Variants in NBAS observed in about 807,000 individuals in gnomAD.
NBAS encodes NAG/BC035112 fusion.
A neutral mutation model predicts 302.5 loss-of-function variants in NBAS; 219 were observed. The observed-to-expected ratio is 0.72, with a 90% CI of 0.65 to 0.81. The LOEUF (loss-of-function observed/expected upper bound fraction) is 0.81, where lower values mean the gene tolerates loss of function less well. Ranked by LOEUF, NBAS falls within the 30% of genes least tolerant of loss-of-function variation. NBAS has a pLI of 0.00. For missense variants in NBAS, 2,932 were observed against 2,841.6 expected (o/e 1.03, Z -0.72); for synonymous variants, 1,118 against 1,021.6 (o/e 1.09, Z -1.80).
the NBAS span, among the ~76,000 whole-genome samples, chr2:14,828,656 G>A: frequency 3.3e-5 from 5 of 152,200 alleles, no homozygotes; most frequent in Non-Finnish European, 5.9e-5. Flanking sequence ...GTGATGAGTT[G>A]GGAGGCTGTT....
intron 47 of NBAS, 40 bp downstream of exon 47, chr2:15,232,382 A>G: frequency 1.9e-6 from 3 of 1,573,986 alleles, no homozygotes; most frequent in Non-Finnish European, 2.6e-6. Context: ...ACTCTGAGGA[A>G]AGCCAGTTAA....
chr2:15,028,095 T>C, the NBAS span, among the ~76,000 whole-genome samples: 2 of 152,222 alleles, frequency 1.3e-5, no homozygotes. Flanking sequence ...TTTTCTTAAA[T>C]AGATAAATTG....
At chr2:14,881,266 C>T in the NBAS span, among the ~76,000 whole-genome samples, 2 of 152,110 alleles carry the variant, frequency 1.3e-5, no homozygotes, top group Non-Finnish European at 1.5e-5. Flanking sequence ...AACATAAAAT[C>T]AAATACCACA....
At position 15,292,540 on chromosome 2, in the gene NBAS, G is replaced by T. The variant is rs368636999; in HGVS notation, c.5024C>A (p.Ala1675Glu). Residue 1675 changes from alanine (A) to glutamate (E), a missense_variant, in exon 41 of 52, where the codon GCA (alanine) becomes GAA (glutamate). Physicochemically the swap from Ala to Glu is moderately radical, Grantham distance 107. Transcript: ENST00000281513. ...TGAAACAAAGGGTATCACTTACTCT[G>T]CCAGACCAAGGATAGTTTCCCTTTT... ...QYKRETILGL[A>E]ETLEESVYSI... The T allele has an allele frequency of 5.6e-6, 9 of 1,614,054 alleles. No individual in the cohort carries two copies. Among genetic ancestry groups the T allele is most frequent in the Non-Finnish European group, 7.6e-6 (9 of 1,179,930 alleles).
chr2:15,369,491 C>T (rs1451069217), intron 31 of NBAS, among the ~76,000 whole-genome samples: 1 of 152,208 alleles, frequency 6.6e-6, no homozygotes, highest in African/African-American at 2.4e-5. Flanking sequence ...TGCAATTACC[C>T]TGTTCAAATG....
At chr2:15,339,988 G>A (rs1347026559) in intron 35 of NBAS, among the ~76,000 whole-genome samples, 2 of 151,890 alleles carry the variant, frequency 1.3e-5, no homozygotes, top group African/African-American at 4.8e-5. Context: ...ATTGGGGGCA[G>A]GGAAGAGGTG....
At chr2:14,960,016 G>A in the NBAS span, among the ~76,000 whole-genome samples, 1 of 152,096 alleles carries the variant, frequency 6.6e-6, no homozygotes, top group Non-Finnish European at 1.5e-5. Context: ...TCAGTGTTTT[G>A]GAAATGACGT....
At chr2:15,533,558 T>A (rs1480715440) in intron 9 of NBAS, among the ~76,000 whole-genome samples, 2 of 152,086 alleles carry the variant, frequency 1.3e-5, no homozygotes, top group African/African-American at 4.8e-5. Flanking sequence ...TAAATATGAA[T>A]GAGTGATAAA....
the NBAS span, among the ~76,000 whole-genome samples, chr2:14,906,627 G>C: frequency 1.3e-5 from 2 of 152,152 alleles, no homozygotes; most frequent in Admixed American, 6.5e-5. Context: ...TAACTCGACA[G>C]GGGCAGAAGC....
At chr2:15,301,087 T>C (rs1670774399) in intron 40 of NBAS, among the ~76,000 whole-genome samples, 1 of 152,116 alleles carries the variant, frequency 6.6e-6, no homozygotes, top group Non-Finnish European at 1.5e-5. Flanking sequence ...GAGTGGCACA[T>C]GAAAATATCC....
At chr2:15,013,231 A>G in the NBAS span, among the ~76,000 whole-genome samples, 2 of 152,210 alleles carry the variant, frequency 1.3e-5, no homozygotes, top group Non-Finnish European at 2.9e-5. Context: ...GTGGAAGTGA[A>G]AAGATGATAA....
chr2:15,222,737 T>C (rs1283837765), intron 47 of NBAS, among the ~76,000 whole-genome samples: 4 of 152,204 alleles, frequency 2.6e-5, no homozygotes, highest in Admixed American at 6.5e-5. Context: ...ATATCTGAAC[T>C]TGGACTATCT....
At chr2:15,284,624 C>T (rs954084513) in intron 42 of NBAS, among the ~76,000 whole-genome samples, 1 of 152,126 alleles carries the variant, frequency 6.6e-6, no homozygotes, top group Non-Finnish European at 1.5e-5. Context: ...TAAAACAAAA[C>T]CCTAAAACAA....
intron 40 of NBAS, among the ~76,000 whole-genome samples, chr2:15,297,766 T>C (rs1670616678): frequency 6.6e-6 from 1 of 152,212 alleles, no homozygotes; most frequent in South Asian, 2.1e-4. Flanking sequence ...AAATGACAGA[T>C]TTTCAATGAT....
intron 6 of NBAS, among the ~76,000 whole-genome samples, chr2:15,546,765 T>C (rs1393544159): frequency 6.6e-6 from 1 of 152,194 alleles, no homozygotes; most frequent in Admixed American, 6.5e-5. Flanking sequence ...GTGTTTCAAA[T>C]AGTCTATCCT....
chr2:15,058,576 G>A, the NBAS span, among the ~76,000 whole-genome samples: 1 of 152,172 alleles, frequency 6.6e-6, no homozygotes, highest in South Asian at 2.1e-4. Flanking sequence ...AGCCCAGCGT[G>A]ACAATATAGA....
At chr2:15,298,352 G>A (rs1249281990) in intron 40 of NBAS, among the ~76,000 whole-genome samples, 1 of 152,152 alleles carries the variant, frequency 6.6e-6, no homozygotes, top group Non-Finnish European at 1.5e-5. Context: ...AAAATGAGAG[G>A]AGACAATTTC....
At chr2:15,303,374 T>C (rs913340201) in intron 40 of NBAS, among the ~76,000 whole-genome samples, 5 of 152,120 alleles carry the variant, frequency 3.3e-5, no homozygotes, top group African/African-American at 1.2e-4. Context: ...TTAGAGTAGG[T>C]ACTCTAACGC....
At chr2:15,541,441 A>G (rs755033023) in intron 6 of NBAS, among the ~76,000 whole-genome samples, 2 of 152,188 alleles carry the variant, frequency 1.3e-5, no homozygotes, top group Non-Finnish European at 2.9e-5. Context: ...CTATCTACCT[A>G]AAAGAAATAA....
Sources: gnomAD v4.1 joint callset for allele counts (sites outside exome capture counted in the v4.1 genomes callset) on GRCh38, gnomAD v4.1.1 for gene constraint, MANE v1.5 for transcripts, NCBI Gene and HGNC (gene_info 2026-07-23, HGNC 2026-07-21) for gene names.